The following BCAS2 variants were observed in gnomAD, a reference collection of about 807,000 sequenced individuals.
The protein encoded by BCAS2 is BCAS2 pre-mRNA processing factor.
BCAS2 carries 34 observed loss-of-function variants against 35.3 expected under a neutral mutation model. That is an observed-to-expected ratio of 0.96 (90% CI 0.73 to 1.28). BCAS2 has a LOEUF of 1.28. Ranked by LOEUF, BCAS2 falls within the 50% of genes most tolerant of loss-of-function variation. BCAS2 has a pLI of 0.00. For missense variants in BCAS2, 221 were observed against 268.1 expected (o/e 0.82, Z 1.23); for synonymous variants, 75 against 91.6 (o/e 0.82, Z 1.03).
intron 3 of BCAS2, 118 bp from the exon 4 acceptor site, chr1:114,575,869 T>C: frequency 9.0e-7 from 1 of 1,116,316 alleles, no homozygotes; most frequent in Non-Finnish European, 1.2e-6. Flanking sequence ...AGACTAAGGA[T>C]GTAAACCTTG....
intron 4 of BCAS2, among the ~76,000 whole-genome samples, chr1:114,571,493 A>G (rs1654642692): frequency 6.6e-6 from 1 of 151,902 alleles, no homozygotes; most frequent in Non-Finnish European, 1.5e-5. Flanking sequence ...AGTAGCTTGG[A>G]TTACAGGCAT....
chr1:114,581,335 C>T lies in BCAS2; in HGVS notation c.150G>A (p.Leu50=), dbSNP rs1175497008. The change falls in exon 2 of 7, where the codon CTG becomes CTA. Residue 50 remains leucine, a synonymous_variant. Coordinates refer to ENST00000369541, the MANE Select transcript of BCAS2 (RefSeq NM_005872.3). ...TRRYRPTKNY[L]SYLTAPDYSA... is the part of the protein sequence containing the mutation. Reference sequence around the variant, plus strand: ...AATAATCCGGGGCTGTCAGGTAGCTCAGGTAGTTCTTAGTAGGTCGGTATC... The same window carrying T: ...AATAATCCGGGGCTGTCAGGTAGCTTAGGTAGTTCTTAGTAGGTCGGTATC... 1.2e-6 allele frequency: 2 copies of T among 1,614,184 alleles called. No individual in the cohort carries two copies. Among genetic ancestry groups the T allele is most frequent in the African/African-American group, 2.7e-5 (2 of 75,042 alleles).
chr1:114,580,080 C>T (rs962611867), intron 2 of BCAS2, among the ~76,000 whole-genome samples: 2 of 151,936 alleles, frequency 1.3e-5, no homozygotes, highest in African/African-American at 4.8e-5. Flanking sequence ...GCTACAGGTG[C>T]ATGCCATCAT....
In BCAS2 at chr1:114,575,589, C is replaced by G. The variant is rs1356693800; in HGVS notation, c.419+1G>C. 1.3e-6 allele frequency: 2 copies of G among 1,581,864 alleles called. No individual in the cohort carries two copies. Among genetic ancestry groups the G allele is most frequent in the African/African-American group, 1.4e-5 (1 of 72,690 alleles). On this transcript the variant is annotated splice_donor_variant, in intron 4 of 6. Coordinates refer to ENST00000369541, the MANE Select transcript of BCAS2 (RefSeq NM_005872.3). LOFTEE classifies it high-confidence loss of function. Reference sequence around the variant, plus strand: ...CAGAAGATGAAGAAAAAGGTTCTTACTCATTGTATACTTTCCAGGCATTAC... The same window carrying G: ...CAGAAGATGAAGAAAAAGGTTCTTAGTCATTGTATACTTTCCAGGCATTAC...
In BCAS2 at chr1:114,570,063, AAT is replaced by A. The variant is rs759049408; in HGVS notation, c.478_479del (p.Ile160SerfsTer17). The A allele has an allele frequency of 1.3e-5, 21 of 1,609,066 alleles. No individual in the cohort carries two copies. Among genetic ancestry groups the A allele is most frequent in the African/African-American group, 2.7e-5 (2 of 74,814 alleles). On this transcript the variant is annotated frameshift_variant, in exon 6 of 7. Transcript: ENST00000369541. LOFTEE classifies it high-confidence loss of function. ...QKELQKLRKH[I>X]QDLNWQRKNM... is the part of the protein sequence containing the mutation. Reference sequence around the variant, plus strand: ...TCTTTCTCTGCCAGTTTAAATCTTGAATATGTTTTCTGTAAAAAATTATTTAT... The same window carrying A: ...TCTTTCTCTGCCAGTTTAAATCTTGAATGTTTTCTGTAAAAAATTATTTAT...
chr1:114,581,422 G>A (rs1570744032), intron 1 of BCAS2, 31 bp from the exon 2 acceptor site: 1 of 1,614,034 alleles, frequency 6.2e-7, no homozygotes, highest in African/African-American at 1.3e-5. Context: ...CAGGGTAGAA[G>A]TGGCAAATTG....
rs1383231893 is a variant in BCAS2 at position 114,567,986 on chromosome 1, C to A, written c.*144G>T. On this transcript the variant is annotated 3_prime_UTR_variant, in exon 7 of 7. Transcript: ENST00000369541. ...CTGTTGAGATATACAAATAGAATTA[C>A]CACAGCAGCCTACACCTTCTATGAT... 5 of 1,077,516 alleles carry A rather than the reference C, an allele frequency of 4.6e-6. No individual in the cohort carries two copies. The East Asian group carries it at 1.2e-4, about 26-fold the overall frequency. The allele number at this position is 1,077,516 out of a possible 1,614,324, so 66.7% of individuals were successfully genotyped here. A position where few individuals can be genotyped will look rare whatever the true frequency, so the allele number is the denominator to read the frequency against.
chr1:114,579,677 C>G (rs1419084152), intron 2 of BCAS2, among the ~76,000 whole-genome samples: 1 of 152,056 alleles, frequency 6.6e-6, no homozygotes, highest in Admixed American at 6.6e-5. Flanking sequence ...ACCAGCCTGG[C>G]CAACATGGTA....
intron 4 of BCAS2, 132 bp downstream of exon 4, chr1:114,575,456 AAG>A (rs1301367280): frequency 1.2e-6 from 1 of 854,640 alleles, no homozygotes; most frequent in Admixed American, 3.8e-5. Flanking sequence ...CTGCCTCCCA[AAG>A]GGCTGGGATT....
chr1:114,576,168 G>A (rs1200175117), intron 3 of BCAS2, among the ~76,000 whole-genome samples: 6 of 150,534 alleles, frequency 4.0e-5, no homozygotes, highest in African/African-American at 1.5e-4. Context: ...AATGAGAAGC[G>A]ATATGACTCC....
intron 3 of BCAS2, 54 bp from the exon 4 acceptor site, chr1:114,575,805 ATCTCT>A: frequency 6.4e-7 from 1 of 1,569,604 alleles, no homozygotes; most frequent in Non-Finnish European, 8.7e-7. Flanking sequence ...AAGCCTTTAC[ATCTCT>A]TCTCAGTAGA....
At chr1:114,570,268 T>TCACACACACACACA (rs61232118) in intron 5 of BCAS2, among the ~76,000 whole-genome samples, 196 bp from the exon 6 acceptor site, 13 of 150,528 alleles carry the variant, frequency 8.6e-5, no homozygotes, top group Non-Finnish European at 1.5e-4. Flanking sequence ...TTGTGAGAAA[T>TCACACACACACACA]CACACACACA....
chr1:114,578,466 C>T (rs1381788145), intron 2 of BCAS2, among the ~76,000 whole-genome samples: 1 of 152,082 alleles, frequency 6.6e-6, no homozygotes, highest in African/African-American at 2.4e-5. Flanking sequence ...TAGGAGGAAC[C>T]CTTAACTAAC....
intron 6 of BCAS2, among the ~76,000 whole-genome samples, chr1:114,568,697 A>G (rs1296914661): frequency 6.6e-6 from 1 of 151,868 alleles, no homozygotes; most frequent in Non-Finnish European, 1.5e-5. Context: ...CCATTAAAAA[A>G]AAATCAAGGC....
rs1046159147 is a variant in BCAS2, at chr1:114,575,489, C to T, written c.419+101G>A. The stretch of plus-strand genomic sequence containing the variant: ...GGATTACTGGCATGAGCCACTGCAC[C>T]CAGCACCTCCCATACTTTTAAAATG... On this transcript the variant is annotated intron_variant, in intron 4 of 6. Transcript: ENST00000369541. 1.8e-5 allele frequency: 22 copies of T among 1,214,870 alleles called. No individual in the cohort carries two copies. The African/African-American group carries it at 3.0e-4, about 16-fold the overall frequency. 75.3% of individuals were successfully genotyped at this position (1,214,870 alleles called of 1,614,324 possible).
intron 5 of BCAS2, 71 bp from the exon 6 acceptor site, chr1:114,570,143 C>T (rs1654609734): frequency 1.9e-6 from 2 of 1,051,738 alleles, no homozygotes; most frequent in Non-Finnish European, 2.9e-6. Flanking sequence ...AACTCTATAA[C>T]ACAAGAGAAT....
chr1:114,570,128 C>A, intron 5 of BCAS2, 56 bp from the exon 6 acceptor site: 1 of 1,222,752 alleles, frequency 8.2e-7, no homozygotes, highest in Non-Finnish European at 1.2e-6. Flanking sequence ...CCTAAATCAA[C>A]AGAAAACTCT....
At chr1:114,574,234 TGG>T (rs1654708338) in intron 4 of BCAS2, among the ~76,000 whole-genome samples, 1 of 152,228 alleles carries the variant, frequency 6.6e-6, no homozygotes, top group Non-Finnish European at 1.5e-5. Context: ...CAGTCATTCA[TGG>T]ACATGTGCAC....
At position 114,576,686 on chromosome 1, in the gene BCAS2, A is replaced by T; in HGVS notation, c.257+2T>A. 1.2e-6 allele frequency: 2 copies of T among 1,602,310 alleles called. No individual in the cohort carries two copies. The highest frequency in any genetic ancestry group is 1.7e-6 in the Non-Finnish European group (2 of 1,171,536). ...TTTTAATTTCCATTTTAATATTCTT[A>T]CCGTTTCATACTGAGCAATTCAATT... On this transcript the variant is annotated splice_donor_variant, in intron 3 of 6. Coordinates refer to ENST00000369541, the MANE Select transcript of BCAS2 (RefSeq NM_005872.3). LOFTEE classifies it high-confidence loss of function.
Sources: gnomAD v4.1 joint callset for allele counts (sites outside exome capture counted in the v4.1 genomes callset) on GRCh38, gnomAD v4.1.1 for gene constraint, MANE v1.5 for transcripts, NCBI Gene and HGNC (gene_info 2026-07-23, HGNC 2026-07-21) for gene names.